ARHGEF26: variants seen among roughly 807,000 people sequenced by gnomAD.
The protein encoded by ARHGEF26 is Rho guanine nucleotide exchange factor 26.
Under a neutral mutation model 89.4 loss-of-function variants are expected in ARHGEF26, and 59 were observed. The observed-to-expected ratio is 0.66, with a 90% confidence interval of 0.54 to 0.82. The LOEUF is 0.82. ARHGEF26 is among the 40% of genes least tolerant of loss of function. ARHGEF26 has a pLI of 0.00. For missense variants in ARHGEF26, 1,234 were observed against 1,085.6 expected (o/e 1.14, Z -1.92); for synonymous variants, 500 against 428.4 (o/e 1.17, Z -2.06).
intron 11 of ARHGEF26, among the ~76,000 whole-genome samples, chr3:154,232,611 G>A (rs1235832220): frequency 3.3e-5 from 5 of 152,044 alleles, no homozygotes; most frequent in South Asian, 2.1e-4. Flanking sequence ...AATGGATGGC[G>A]TTCTGTTAAG....
chr3:154,253,570 CA>C (rs1034030212), intron 13 of ARHGEF26, among the ~76,000 whole-genome samples: 1 of 152,190 alleles, frequency 6.6e-6, no homozygotes, highest in Non-Finnish European at 1.5e-5. Context: ...AACAGTTGAT[CA>C]TGTTTAAACC....
chr3:154,247,729 T>A (rs897623113), intron 12 of ARHGEF26, among the ~76,000 whole-genome samples: 2 of 152,186 alleles, frequency 1.3e-5, no homozygotes, highest in African/African-American at 4.8e-5. Flanking sequence ...TTCCCAAATT[T>A]TACTTGTTTT....
intron 5 of ARHGEF26, 30 bp downstream of exon 5, chr3:154,149,475 G>A: frequency 1.9e-6 from 3 of 1,584,948 alleles, no homozygotes; most frequent in Non-Finnish European, 2.6e-6. Context: ...CTGCTTTAGA[G>A]CTCTGGAGTG....
intron 9 of ARHGEF26, among the ~76,000 whole-genome samples, chr3:154,196,351 A>G (rs1253553697): frequency 6.6e-6 from 1 of 152,134 alleles, no homozygotes; most frequent in Non-Finnish European, 1.5e-5. Flanking sequence ...TGTAGGTGTC[A>G]CTGAGGATAC....
intron 10 of ARHGEF26, among the ~76,000 whole-genome samples, chr3:154,225,008 G>C (rs1716397362): frequency 6.6e-6 from 1 of 151,762 alleles, no homozygotes; most frequent in Non-Finnish European, 1.5e-5. Flanking sequence ...TTATTTTATG[G>C]ATGTAGTCTT....
At chr3:154,143,100 G>A (rs1719482043) in intron 4 of ARHGEF26, among the ~76,000 whole-genome samples, 1 of 152,140 alleles carries the variant, frequency 6.6e-6, no homozygotes, top group Non-Finnish European at 1.5e-5. Context: ...GGATGTTGAA[G>A]TAGTATTTTA....
At chr3:154,197,298 T>C (rs866229591) in intron 9 of ARHGEF26, among the ~76,000 whole-genome samples, 3 of 152,214 alleles carry the variant, frequency 2.0e-5, no homozygotes. Context: ...ATCTTCTTTT[T>C]TATTTGTAAA....
chr3:154,230,509 G>A (rs1044318000), intron 11 of ARHGEF26, among the ~76,000 whole-genome samples: 2 of 152,068 alleles, frequency 1.3e-5, no homozygotes, highest in Non-Finnish European at 1.5e-5. Context: ...TGTTTGTTTG[G>A]AGAAACATCT....
intron 11 of ARHGEF26, among the ~76,000 whole-genome samples, chr3:154,229,098 T>TCA (rs1491529408): frequency 6.6e-6 from 1 of 152,232 alleles, no homozygotes; most frequent in Non-Finnish European, 1.5e-5. Context: ...AGTGCATGTA[T>TCA]CACTGCTTGT....
At chr3:154,189,873 T>G (rs961540571) in intron 7 of ARHGEF26, among the ~76,000 whole-genome samples, 1 of 151,828 alleles carries the variant, frequency 6.6e-6, no homozygotes, top group Non-Finnish European at 1.5e-5. Flanking sequence ...GTCAAAGCTA[T>G]CAGTAAAAGG....
intron 9 of ARHGEF26, among the ~76,000 whole-genome samples, chr3:154,208,869 G>A (rs554093323): frequency 1.3e-5 from 2 of 150,030 alleles, no homozygotes; most frequent in Admixed American, 1.3e-4. Context: ...GGATTCAAGC[G>A]ATTCTCATGC....
chr3:154,196,960 T>C (rs181329696), intron 9 of ARHGEF26, among the ~76,000 whole-genome samples: 2 of 152,176 alleles, frequency 1.3e-5, no homozygotes, highest in East Asian at 1.9e-4. Flanking sequence ...AAACCTGGAA[T>C]GTTACTTAAT....
intron 1 of ARHGEF26, 104 bp downstream of exon 1, chr3:154,121,623 A>G: frequency 4.5e-6 from 1 of 224,216 alleles, no homozygotes. Context: ...GAGTTTCCCA[A>G]GAAAGCTGAA....
chr3:154,154,399 A>C (rs1484850897), intron 6 of ARHGEF26, among the ~76,000 whole-genome samples: 1 of 151,978 alleles, frequency 6.6e-6, no homozygotes, highest in Non-Finnish European at 1.5e-5. Context: ...AAAAAATCCA[A>C]ATTTTTCTCT....
intron 3 of ARHGEF26, 59 bp downstream of exon 3, chr3:154,124,508 G>C (rs1290439688): frequency 9.1e-6 from 13 of 1,433,946 alleles, no homozygotes; most frequent in Admixed American, 3.0e-5. Flanking sequence ...CCAATTATAA[G>C]TTGAAATCCA....
intron 4 of ARHGEF26, among the ~76,000 whole-genome samples, chr3:154,132,699 A>G (rs1017579680): frequency 2.6e-5 from 4 of 152,084 alleles, no homozygotes; most frequent in African/African-American, 9.7e-5. Context: ...CAACTTTAAT[A>G]TATATATTCA....
At chr3:154,173,106 A>G (rs1712554598) in intron 6 of ARHGEF26, among the ~76,000 whole-genome samples, 1 of 152,188 alleles carries the variant, frequency 6.6e-6, no homozygotes. Context: ...GTCAAGTACT[A>G]TTAATACCAT....
intron 9 of ARHGEF26, among the ~76,000 whole-genome samples, chr3:154,201,671 T>C (rs947645671): frequency 3.3e-5 from 5 of 150,954 alleles, no homozygotes; most frequent in South Asian, 4.2e-4. Context: ...ACCTGTTGTT[T>C]CCTGACTTTT....
chr3:154,123,093 T>G lies in ARHGEF26; in HGVS notation c.1083+18T>G. On this transcript the variant is annotated intron_variant, in intron 2 of 14. Coordinates refer to ENST00000465093, the MANE Select transcript of ARHGEF26 (RefSeq NM_015595.4). ...GGATAAAGGTAAAAGTGGGCAGGAG[T>G]GTGGCACGCCATTCACTAAGCGGAA... is the stretch of plus-strand genomic sequence containing the variant. 3 of 1,611,474 alleles carry G rather than the reference T, an allele frequency of 1.9e-6. No individual in the cohort carries two copies. Among genetic ancestry groups the G allele is most frequent in the Non-Finnish European group, 2.5e-6 (3 of 1,178,164 alleles).
Sources: allele counts gnomAD v4.1 joint callset (sites outside exome capture counted in the v4.1 genomes callset), GRCh38; gene constraint gnomAD v4.1.1; transcripts MANE v1.5; gene names NCBI Gene and HGNC (gene_info 2026-07-23, HGNC 2026-07-21).